C1orf21: variants seen among roughly 807,000 people sequenced by gnomAD.
The protein encoded by C1orf21 is chromosome 1 open reading frame 21.
Under a neutral mutation model 18.7 loss-of-function variants are expected in C1orf21, and 3 were observed. The observed-to-expected ratio is 0.16, with a 90% CI of 0.07 to 0.42. C1orf21 has a LOEUF of 0.42. Among genes scored for constraint, C1orf21 ranks in the 10% least tolerant of loss-of-function variants. C1orf21 has a pLI of 0.99. For missense variants in C1orf21, 104 were observed against 143.6 expected (o/e 0.72, Z 1.41); for synonymous variants, 41 against 46.4 (o/e 0.88, Z 0.47).
rs58689902 is a variant in C1orf21, at chr1:184,559,585, T to TCCTC, written c.190-31150_190-31147dup. ...TCTTTCTTCCCCTCCCTCCCTCTCT[T>TCCTC]CCTCCCTTCCTTCCTTCCTTCCTTC... is the stretch of plus-strand genomic sequence containing the variant. On this transcript the variant is annotated intron_variant, in intron 3 of 5. Transcript: ENST00000235307. Among the ~76,000 whole-genome samples, 348 of 101,666 alleles carry TCCTC rather than the reference T, an allele frequency of 3.4e-3. 1 individual carries two copies. The highest frequency in any genetic ancestry group is 5.4e-3 in the Non-Finnish European group (276 of 51,232). The allele number at this position is 101,666 out of a possible 152,430, so 66.7% of individuals were successfully genotyped here.
intron 1 of C1orf21, among the ~76,000 whole-genome samples, chr1:184,457,741 C>T (rs1371591047): frequency 6.6e-6 from 1 of 152,090 alleles, no homozygotes; most frequent in African/African-American, 2.4e-5. Flanking sequence ...TGGGCTGTAA[C>T]ATAAATAAAG....
At chr1:184,443,379 C>T (rs995485983) in intron 1 of C1orf21, among the ~76,000 whole-genome samples, 12 of 152,086 alleles carry the variant, frequency 7.9e-5, no homozygotes, top group African/African-American at 2.9e-4. Flanking sequence ...AAGTTTTGTT[C>T]TCCACTAGAT....
chr1:184,606,965 A>G (rs538102956), intron 5 of C1orf21, among the ~76,000 whole-genome samples: 1 of 152,338 alleles, frequency 6.6e-6, no homozygotes, highest in Admixed American at 6.5e-5. Flanking sequence ...GAGGCACATT[A>G]TGTTCTGAAC....
chr1:184,525,641 G>C (rs1658367055), intron 3 of C1orf21, among the ~76,000 whole-genome samples: 1 of 152,252 alleles, frequency 6.6e-6, no homozygotes, highest in East Asian at 1.9e-4. Context: ...CTGGGTGGTA[G>C]GGTTATGGGA....
rs1553256430 is a variant in C1orf21, at chr1:184,559,505, C to CCTTCCTT, written c.190-31233_190-31232insTTCCTTC. Among the ~76,000 whole-genome samples, 19 of 47,866 alleles carry CCTTCCTT rather than the reference C, an allele frequency of 4.0e-4. No individual in the cohort carries two copies. The South Asian group carries it at 9.8e-3, about 25-fold the overall frequency. 31.4% of individuals were successfully genotyped at this position (47,866 alleles called of 152,430 possible). A position where few individuals can be genotyped will look rare whatever the true frequency, so the allele number is the denominator to read the frequency against. ...TTCCTTCCTTCCTTCCTTCCTTCCC[C>CCTTCCTT]CCTTCCTTCCTTCCTTCCTTCCTTC... On this transcript the variant is annotated intron_variant, in intron 3 of 5. Coordinates refer to ENST00000235307, the MANE Select transcript of C1orf21 (RefSeq NM_030806.4).
At chr1:184,449,541 T>A (rs1439882590) in intron 1 of C1orf21, among the ~76,000 whole-genome samples, 3 of 152,184 alleles carry the variant, frequency 2.0e-5, no homozygotes, top group African/African-American at 7.2e-5. Flanking sequence ...GCAGCATGAT[T>A]TATAATCCTT....
intron 3 of C1orf21, among the ~76,000 whole-genome samples, chr1:184,578,495 G>A (rs1659226318): frequency 6.6e-6 from 1 of 152,130 alleles, no homozygotes; most frequent in Non-Finnish European, 1.5e-5. Context: ...CTATTTTATT[G>A]TGTCCAAGTG....
intron 1 of C1orf21, among the ~76,000 whole-genome samples, chr1:184,439,476 C>T (rs34712320): frequency 0.05 from 7,537 of 150,798 alleles, 280 homozygotes; most frequent in Non-Finnish European, 0.071. Flanking sequence ...ATCAAACTCA[C>T]TCTATAGGAG....
chr1:184,607,961 ATC>A (rs1199272496), intron 5 of C1orf21, among the ~76,000 whole-genome samples: 7 of 152,160 alleles, frequency 4.6e-5, no homozygotes, highest in African/African-American at 1.7e-4. Context: ...ATGTGTTTTT[ATC>A]TGTTATATAT....
intron 3 of C1orf21, among the ~76,000 whole-genome samples, chr1:184,521,483 G>A (rs1275361298): frequency 2.6e-5 from 4 of 152,084 alleles, no homozygotes; most frequent in Admixed American, 2.6e-4. Flanking sequence ...AAAAAAACAT[G>A]GATAAGTGCA....
At chr1:184,403,567 C>A (rs1038210988) in intron 1 of C1orf21, among the ~76,000 whole-genome samples, 64 of 152,212 alleles carry the variant, frequency 4.2e-4, no homozygotes, top group African/African-American at 1.5e-3. Flanking sequence ...CATAATTGTT[C>A]ATTTGCTTTT....
chr1:184,445,336 TTTC>T (rs1329543774), intron 1 of C1orf21, among the ~76,000 whole-genome samples: 1 of 131,452 alleles, frequency 7.6e-6, no homozygotes, highest in East Asian at 2.2e-4. Context: ...CACGCCCTTT[TTTC>T]AGACCTCTCT....
At chr1:184,476,314 A>G (rs7525267) in intron 1 of C1orf21, among the ~76,000 whole-genome samples, 16,823 of 152,164 alleles carry the variant, frequency 0.11, 1,040 homozygotes, top group Middle Eastern at 0.2. Context: ...TGAAGATTCA[A>G]AGAGGCTTGA....
At chr1:184,468,897 A>G (rs918998802) in intron 1 of C1orf21, among the ~76,000 whole-genome samples, 5 of 150,404 alleles carry the variant, frequency 3.3e-5, no homozygotes, top group Admixed American at 6.7e-5. Flanking sequence ...CAGCCTGGGC[A>G]ATACAGCAAG....
chr1:184,613,667 G>GCACTGCTT (rs2102009978), intron 5 of C1orf21, among the ~76,000 whole-genome samples: 1 of 152,156 alleles, frequency 6.6e-6, no homozygotes, highest in Non-Finnish European at 1.5e-5. Flanking sequence ...CCACACCCCA[G>GCACTGCTT]CACTGCTTCC....
chr1:184,451,674 T>A (rs1312011929), intron 1 of C1orf21, among the ~76,000 whole-genome samples: 1 of 152,126 alleles, frequency 6.6e-6, no homozygotes, highest in African/African-American at 2.4e-5. Context: ...TGAAGAATTC[T>A]ACACACAGAC....
chr1:184,497,809 A>G (rs1657915528), intron 2 of C1orf21, among the ~76,000 whole-genome samples: 1 of 152,210 alleles, frequency 6.6e-6, no homozygotes, highest in Non-Finnish European at 1.5e-5. Context: ...GCCCAGAGAC[A>G]TACGAAAAGA....
chr1:184,544,907 G>A (rs924438351), intron 3 of C1orf21, among the ~76,000 whole-genome samples: 1 of 152,200 alleles, frequency 6.6e-6, no homozygotes, highest in Non-Finnish European at 1.5e-5. Flanking sequence ...TTCCGTGGGT[G>A]GCCTGAGTGC....
intron 3 of C1orf21, among the ~76,000 whole-genome samples, chr1:184,538,255 G>T (rs1250653750): frequency 6.6e-6 from 1 of 152,190 alleles, no homozygotes; most frequent in South Asian, 2.1e-4. Flanking sequence ...TTAGCCATTT[G>T]TATATCTTCT....
Sources: gnomAD v4.1 joint callset for allele counts (sites outside exome capture counted in the v4.1 genomes callset) on GRCh38, gnomAD v4.1.1 for gene constraint, MANE v1.5 for transcripts, NCBI Gene and HGNC (gene_info 2026-07-23, HGNC 2026-07-21) for gene names.